The following GALK2 variants were observed in gnomAD, a reference collection of about 807,000 sequenced individuals.
The protein encoded by GALK2 is N-acetylgalactosamine kinase.
In GALK2, 36 loss-of-function variants were observed where a neutral mutation model predicts 52.4. The ratio of observed to expected loss-of-function variants is 0.69; its 90% CI spans 0.53 to 0.91. The LOEUF (loss-of-function observed/expected upper bound fraction) is 0.91, where lower values mean the gene tolerates loss of function less well. Among genes scored for constraint, GALK2 ranks in the 40% least tolerant of loss-of-function variants. The pLI is 0.00. For synonymous variants in GALK2, 176 were observed against 199.1 expected, an observed-to-expected ratio of 0.88 and a Z score of 0.98; for missense variants, 579 against 559.1, an observed-to-expected ratio of 1.04 and a Z score of -0.36.
chr15:49,165,661 T>C (rs2084795271), upstream of GALK2, among the ~76,000 whole-genome samples: 1 of 152,052 alleles, frequency 6.6e-6, no homozygotes, highest in Admixed American at 6.5e-5. Flanking sequence ...GATATTTTGG[T>C]GTATTAGATA....
chr15:49,209,058 G>A (rs962222675), intron 2 of GALK2, among the ~76,000 whole-genome samples: 1 of 152,096 alleles, frequency 6.6e-6, no homozygotes, highest in Non-Finnish European at 1.5e-5. Flanking sequence ...TATGTATTAG[G>A]TGAGTCTCCT....
At chr15:49,361,746 C>G (rs1411132380) in intron 3 of GALK2, among the ~76,000 whole-genome samples, 2 of 151,916 alleles carry the variant, frequency 1.3e-5, no homozygotes, top group Non-Finnish European at 2.9e-5. Context: ...ATTTATATTC[C>G]TTTGGGTATA....
rs551284432 is a variant in GALK2, at chr15:49,299,027, A to G, written c.967+6490A>G. On this transcript the variant is annotated intron_variant, in intron 8 of 9. Transcript: ENST00000560031. ...TTTGGTAGAATTTGGCTGTGAATCC[A>G]TCTGCTCCAGGGCTTTTTCTGGTTG... Among the ~76,000 whole-genome samples the G allele has an allele frequency of 9.3e-4, 141 of 152,232 alleles. 5 individuals are homozygous for G. The South Asian group carries it at 0.027, about 30-fold the overall frequency.
chr15:49,178,524 AT>A, intron 1 of GALK2: 1 of 277,596 alleles, frequency 3.6e-6, no homozygotes, highest in Non-Finnish European at 7.1e-6. Context: ...GGAACTGGGC[AT>A]TTTCGGCCAC....
Position 49,328,172 on chromosome 15 carries a change from A to T in GALK2, c.*13A>T. ...GCTTGAGGCCTGAAAAAATGTAAAAAGTCTGAGAGAAACTACTTAGGGCAC... is the reference window on the plus strand; with the variant it reads ...GCTTGAGGCCTGAAAAAATGTAAAATGTCTGAGAGAAACTACTTAGGGCAC... On this transcript the variant is annotated 3_prime_UTR_variant, in exon 10 of 10. Coordinates refer to ENST00000560031, the MANE Select transcript of GALK2 (RefSeq NM_002044.4). The T allele has an allele frequency of 1.9e-6, 3 of 1,608,188 alleles. No homozygotes were observed. The highest frequency in any genetic ancestry group is 2.5e-6 in the Non-Finnish European group (3 of 1,176,842).
intron 5 of GALK2, among the ~76,000 whole-genome samples, chr15:49,269,311 T>C (rs540669396): frequency 1.2e-4 from 19 of 152,286 alleles, no homozygotes; most frequent in Middle Eastern, 6.8e-3. Flanking sequence ...TAGGGTATAT[T>C]GTGCAGTGCA....
intron 3 of GALK2, among the ~76,000 whole-genome samples, chr15:49,229,174 T>C (rs1174882084): frequency 6.6e-6 from 1 of 152,232 alleles, no homozygotes; most frequent in African/African-American, 2.4e-5. Flanking sequence ...GTTGGCATGT[T>C]GGCATTGATT....
chr15:49,324,653 A>G (rs2037184955), intron 9 of GALK2, among the ~76,000 whole-genome samples: 1 of 152,186 alleles, frequency 6.6e-6, no homozygotes, highest in Non-Finnish European at 1.5e-5. Context: ...ACCTGGCTGT[A>G]AAAATCATAG....
At chr15:49,196,994 A>G (rs1051856113) in intron 1 of GALK2, among the ~76,000 whole-genome samples, 4 of 152,326 alleles carry the variant, frequency 2.6e-5, no homozygotes, top group Admixed American at 2.0e-4. Flanking sequence ...GGCTGAGACC[A>G]CAGGATTGCC....
chr15:49,268,679 A>G (rs999735876), intron 5 of GALK2, among the ~76,000 whole-genome samples: 3 of 152,178 alleles, frequency 2.0e-5, no homozygotes, highest in Non-Finnish European at 4.4e-5. Context: ...TACCTTAGAA[A>G]TGATCAGAAA....
rs576497306 is a variant in GALK2 at position 49,286,795 on chromosome 15, T to C, written c.756+3077T>C. ...ATGGAAGAAATTAGTGTCTTATTTG[T>C]TTGAGGGCTTAGTCTTGTTGACCTT... On this transcript the variant is annotated intron_variant, in intron 7 of 9. Transcript: ENST00000560031. Among the ~76,000 whole-genome samples, 38 of 152,300 alleles carry C rather than the reference T, an allele frequency of 2.5e-4. 1 individual carries two copies. Among genetic ancestry groups the C allele is most frequent in the Non-Finnish European group, 3.8e-4 (26 of 68,016 alleles).
intron 2 of GALK2, among the ~76,000 whole-genome samples, chr15:49,212,822 A>G (rs2089038098): frequency 6.6e-6 from 1 of 151,908 alleles, no homozygotes; most frequent in African/African-American, 2.4e-5. Flanking sequence ...GTTTTTCTTC[A>G]TGTTTATTTC....
intron 5 of GALK2, among the ~76,000 whole-genome samples, chr15:49,255,870 T>C (rs1251950831): frequency 2.6e-5 from 4 of 152,132 alleles, no homozygotes; most frequent in Non-Finnish European, 5.9e-5. Context: ...TCACAAATTC[T>C]CAATTTTGTC....
rs756009604 is a variant in GALK2 at position 49,292,495 on chromosome 15, G to A, written c.925G>A (p.Glu309Lys). 2.8e-5 allele frequency: 45 copies of A among 1,613,892 alleles called. No individual in the cohort carries two copies. The highest frequency in any genetic ancestry group is 8.3e-5 in the Admixed American group (5 of 59,970). The change falls in exon 8 of 10, where the codon GAG becomes AAG. Residue 309 changes from glutamate (E) to lysine (K), a missense_variant. By Grantham distance (56) the Glu-to-Lys change is moderately conservative (BLOSUM62 1). Transcript: ENST00000560031. ...CTGCAGGTGTCTGGGAATTAGCCTG[G>A]AGGAACTCCGAACCCAAATCCTGAG... ...EICRCLGISL[E>K]ELRTQILSPN...
intron 8 of GALK2, among the ~76,000 whole-genome samples, chr15:49,303,566 A>G (rs1331160197): frequency 6.6e-6 from 1 of 152,170 alleles, no homozygotes; most frequent in Non-Finnish European, 1.5e-5. Context: ...TGAAAAATAC[A>G]TGTCTCTCAT....
At chr15:49,210,005 T>C (rs1426000502) in intron 2 of GALK2, among the ~76,000 whole-genome samples, 10 of 152,258 alleles carry the variant, frequency 6.6e-5, no homozygotes, top group Admixed American at 6.5e-4. Flanking sequence ...TGCTTCAATC[T>C]TGTTACTTGT....
intron 1 of GALK2, among the ~76,000 whole-genome samples, chr15:49,174,772 A>G (rs987474206): frequency 2.0e-5 from 3 of 152,184 alleles, no homozygotes; most frequent in Admixed American, 1.3e-4. Flanking sequence ...ATGACATCTT[A>G]TGTAGACATT....
At chr15:49,311,479 T>A (rs551491264) in intron 8 of GALK2, among the ~76,000 whole-genome samples, 1 of 152,240 alleles carries the variant, frequency 6.6e-6, no homozygotes, top group Non-Finnish European at 1.5e-5. Context: ...GTAGTCAAAG[T>A]ACTTTGTTTC....
intron 5 of GALK2, among the ~76,000 whole-genome samples, chr15:49,252,453 A>G (rs773353834): frequency 6.6e-6 from 1 of 152,106 alleles, no homozygotes; most frequent in Non-Finnish European, 1.5e-5. Flanking sequence ...TTTTGGTGTG[A>G]TGGTAATGTT....
Sources: gnomAD v4.1 joint callset for allele counts (sites outside exome capture counted in the v4.1 genomes callset) on GRCh38, gnomAD v4.1.1 for gene constraint, MANE v1.5 for transcripts, NCBI Gene and HGNC (gene_info 2026-07-23, HGNC 2026-07-21) for gene names.